Variants in SSH2 observed in about 807,000 individuals in gnomAD.
SSH2 encodes slingshot protein phosphatase 2, also known as protein phosphatase Slingshot homolog 2.
A neutral mutation model predicts 135.2 loss-of-function variants in SSH2; 37 were observed. That is an observed-to-expected ratio of 0.27 (90% confidence interval 0.21 to 0.36). SSH2 has a LOEUF of 0.36. SSH2 is among the 10% of genes least tolerant of loss of function. The pLI, the probability that SSH2 is intolerant of heterozygous loss-of-function variation, is 1.00. For synonymous variants in SSH2, 628 were observed against 646.2 expected (o/e 0.97, Z 0.43); for missense variants, 1,408 against 1,765.3 (o/e 0.80, Z 3.63).
intron 11 of SSH2, among the ~76,000 whole-genome samples, chr17:29,664,173 G>C (rs1055262975): frequency 6.6e-6 from 1 of 152,106 alleles, no homozygotes; most frequent in Non-Finnish European, 1.5e-5. Flanking sequence ...GGAGTTCAAG[G>C]CCAGTCTGGC....
chr17:29,842,382 A>C (rs1022146332), intron 2 of SSH2, among the ~76,000 whole-genome samples: 3 of 149,694 alleles, frequency 2.0e-5, no homozygotes, highest in Admixed American at 6.7e-5. Context: ...TGAACCTGGG[A>C]GGCGCAGGTT....
chr17:29,866,711 C>A (rs1032588468), intron 1 of SSH2, among the ~76,000 whole-genome samples: 1 of 152,196 alleles, frequency 6.6e-6, no homozygotes, highest in African/African-American at 2.4e-5. Flanking sequence ...AATGGAAATT[C>A]ATAGAGAGGC....
At chr17:29,721,322 C>CATTG (rs10627925) in intron 3 of SSH2, among the ~76,000 whole-genome samples, 63,618 of 151,716 alleles carry the variant, frequency 0.42, 15,067 homozygotes, top group East Asian at 0.68. Flanking sequence ...ATAGAACGGA[C>CATTG]ATTGCAGTAT....
intron 3 of SSH2, among the ~76,000 whole-genome samples, chr17:29,740,068 C>T (rs1357952517): frequency 6.6e-6 from 1 of 152,182 alleles, no homozygotes; most frequent in Non-Finnish European, 1.5e-5. Flanking sequence ...GCTGGATTGA[C>T]CTCGCAGTAT....
At chr17:29,745,987 C>CT (rs2040747109) in intron 3 of SSH2, among the ~76,000 whole-genome samples, 1 of 152,046 alleles carries the variant, frequency 6.6e-6, no homozygotes, top group Non-Finnish European at 1.5e-5. Flanking sequence ...CCCAATAAAT[C>CT]TTTTAAGAGT....
chr17:29,666,428 A>G (rs2037279419), intron 11 of SSH2, among the ~76,000 whole-genome samples: 1 of 152,066 alleles, frequency 6.6e-6, no homozygotes, highest in African/African-American at 2.4e-5. Context: ...CATGCTTATA[A>G]TCCCAGCACT....
chr17:29,779,060 A>G (rs535729323), intron 3 of SSH2, among the ~76,000 whole-genome samples: 2 of 152,172 alleles, frequency 1.3e-5, no homozygotes, highest in African/African-American at 4.8e-5. Context: ...AAGTAAAATT[A>G]TTTACCTAGA....
intron 2 of SSH2, among the ~76,000 whole-genome samples, chr17:29,836,623 T>C (rs966077640): frequency 7.9e-5 from 12 of 152,228 alleles, no homozygotes; most frequent in African/African-American, 2.9e-4. Flanking sequence ...AGGCACATGG[T>C]AGTGCTCAAG....
At chr17:29,794,031 A>T in intron 2 of SSH2, 94 bp from the exon 3 acceptor site, 1 of 991,820 alleles carries the variant, frequency 1.0e-6, no homozygotes, top group Non-Finnish European at 1.5e-6. Flanking sequence ...CATGTTGTGT[A>T]CTTGAACTAA....
chr17:29,909,858 G>A (rs760174784), intron 1 of SSH2, among the ~76,000 whole-genome samples: 5 of 152,176 alleles, frequency 3.3e-5, no homozygotes, highest in Admixed American at 2.6e-4. Context: ...GTACAAGTAC[G>A]ACTTTATTTT....
intron 1 of SSH2, among the ~76,000 whole-genome samples, chr17:29,918,333 C>T (rs566750044): frequency 3.3e-5 from 5 of 152,302 alleles, no homozygotes; most frequent in African/African-American, 4.8e-5. Flanking sequence ...GGAGTCTAGA[C>T]ACCTCCCTGA....
intron 1 of SSH2, among the ~76,000 whole-genome samples, chr17:29,896,574 C>T (rs1359780258): frequency 6.6e-6 from 1 of 150,730 alleles, no homozygotes; most frequent in East Asian, 1.9e-4. Flanking sequence ...TTATAAAATA[C>T]ATTATAAAAT....
At chr17:29,863,160 G>A (rs1361263702) in intron 1 of SSH2, among the ~76,000 whole-genome samples, 1 of 151,942 alleles carries the variant, frequency 6.6e-6, no homozygotes, top group Non-Finnish European at 1.5e-5. Context: ...TTTACTAACT[G>A]GTCCTTAACA....
At chr17:29,635,840 T>A (rs1310322587) in intron 15 of SSH2, 128 bp downstream of exon 15, 1 of 795,498 alleles carries the variant, frequency 1.3e-6, no homozygotes, top group Non-Finnish European at 2.0e-6. Context: ...TTAAAAAATA[T>A]TTAAACCCTA....
At chr17:29,680,438 C>T (rs1169862248) in intron 6 of SSH2, among the ~76,000 whole-genome samples, 1 of 149,610 alleles carries the variant, frequency 6.7e-6, no homozygotes, top group African/African-American at 2.5e-5. Flanking sequence ...GTAATCCCAG[C>T]TACTCGGGAG....
intron 3 of SSH2, among the ~76,000 whole-genome samples, chr17:29,742,495 T>TTCAA (rs1555625234): frequency 6.8e-6 from 1 of 147,332 alleles, no homozygotes; most frequent in African/African-American, 2.5e-5. Flanking sequence ...TTTTTTTTTT[T>TTCAA]TTTTTCTTTT....
chr17:29,773,428 T>A (rs2041630452), intron 3 of SSH2, among the ~76,000 whole-genome samples: 1 of 152,192 alleles, frequency 6.6e-6, no homozygotes, highest in Non-Finnish European at 1.5e-5. Context: ...ATCTTTTGTT[T>A]TTCAGAAATC....
At chr17:29,919,234 C>T (rs552471508) in intron 1 of SSH2, among the ~76,000 whole-genome samples, 1 of 152,232 alleles carries the variant, frequency 6.6e-6, no homozygotes, top group South Asian at 2.1e-4. Context: ...AAAAAAGGTA[C>T]TAAATAAGTT....
intron 6 of SSH2, among the ~76,000 whole-genome samples, chr17:29,683,773 G>GAA (rs762331303): frequency 8.3e-6 from 1 of 119,814 alleles, no homozygotes; most frequent in Non-Finnish European, 1.8e-5. Context: ...GAAAAATAAG[G>GAA]AAAAAAAAAA....
Sources: allele counts gnomAD v4.1 joint callset (sites outside exome capture counted in the v4.1 genomes callset), GRCh38; gene constraint gnomAD v4.1.1; transcripts MANE v1.5; gene names NCBI Gene and HGNC (gene_info 2026-07-23, HGNC 2026-07-21).